The following ANTXR1 variants were observed in gnomAD, a reference collection of about 807,000 sequenced individuals.
The protein encoded by ANTXR1 is anthrax toxin receptor 1.
In ANTXR1, 19 loss-of-function variants were observed where a neutral mutation model predicts 78.1. The observed-to-expected ratio is 0.24, with a 90% CI of 0.17 to 0.36. The LOEUF is 0.36. ANTXR1 is among the 10% of genes least tolerant of loss of function. ANTXR1 has a pLI of 1.00. For missense variants in ANTXR1, 518 were observed against 718.6 expected (o/e 0.72, Z 3.19); for synonymous variants, 273 against 260.5 (o/e 1.05, Z -0.46).
intron 12 of ANTXR1, among the ~76,000 whole-genome samples, chr2:69,141,359 A>C (rs1022130543): frequency 6.6e-6 from 1 of 152,210 alleles, no homozygotes; most frequent in Non-Finnish European, 1.5e-5. Context: ...TCAATTTCAC[A>C]TACATAAAGA....
intron 13 of ANTXR1, among the ~76,000 whole-genome samples, chr2:69,159,887 AAAAAC>A: frequency 6.6e-6 from 1 of 152,242 alleles, no homozygotes; most frequent in African/African-American, 2.4e-5. Flanking sequence ...AAAATTAATC[AAAAAC>A]TTGATATACC....
intron 7 of ANTXR1, among the ~76,000 whole-genome samples, chr2:69,076,441 T>C (rs1353561317): frequency 2.6e-5 from 4 of 152,250 alleles, no homozygotes; most frequent in Non-Finnish European, 5.9e-5. Context: ...AAAAGCTTAC[T>C]AGCAATCTAA....
intron 17 of ANTXR1, among the ~76,000 whole-genome samples, chr2:69,217,219 C>T (rs1003758954): frequency 6.6e-6 from 1 of 152,196 alleles, no homozygotes; most frequent in African/African-American, 2.4e-5. Flanking sequence ...TGCATCTCAC[C>T]AGTCAGCAGT....
At chr2:69,124,784 T>C in intron 12 of ANTXR1, 141 bp downstream of exon 12, 1 of 833,318 alleles carries the variant, frequency 1.2e-6, no homozygotes, top group Admixed American at 2.0e-5. Context: ...ATCCCAGCAC[T>C]GCTCCACCAG....
At chr2:69,045,410 A>G (rs563979161) in intron 3 of ANTXR1, among the ~76,000 whole-genome samples, 1 of 152,222 alleles carries the variant, frequency 6.6e-6, no homozygotes, top group Non-Finnish European at 1.5e-5. Context: ...TAACAGAGTC[A>G]TGTCATTTAT....
intron 3 of ANTXR1, among the ~76,000 whole-genome samples, chr2:69,045,657 T>A (rs1669743893): frequency 6.6e-6 from 1 of 152,160 alleles, no homozygotes; most frequent in Non-Finnish European, 1.5e-5. Flanking sequence ...AATATAGGAC[T>A]AACAGGACAG....
chr2:69,160,613 T>C (rs1203974071), intron 13 of ANTXR1, among the ~76,000 whole-genome samples: 1 of 152,134 alleles, frequency 6.6e-6, no homozygotes, highest in East Asian at 1.9e-4. Flanking sequence ...TTCCAAACTA[T>C]GTCAGGGCAA....
intron 17 of ANTXR1, among the ~76,000 whole-genome samples, chr2:69,201,863 G>C (rs1238530263): frequency 1.3e-5 from 2 of 152,294 alleles, no homozygotes; most frequent in South Asian, 2.1e-4. Flanking sequence ...AAACAAAAAG[G>C]ACCTGCAGCA....
intron 1 of ANTXR1, among the ~76,000 whole-genome samples, chr2:69,016,717 T>C (rs912780861): frequency 6.6e-6 from 1 of 152,258 alleles, no homozygotes; most frequent in Non-Finnish European, 1.5e-5. Flanking sequence ...TATTTGTCTC[T>C]AGCAGGTAGA....
chr2:69,174,212 G>C (rs1207539076), intron 14 of ANTXR1, among the ~76,000 whole-genome samples: 2 of 152,222 alleles, frequency 1.3e-5, no homozygotes, highest in African/African-American at 4.8e-5. Context: ...AAATAGGGTA[G>C]AGGTAAAAGG....
chr2:69,146,881 CT>C (rs1324376398), intron 12 of ANTXR1, among the ~76,000 whole-genome samples: 1 of 152,264 alleles, frequency 6.6e-6, no homozygotes, highest in Non-Finnish European at 1.5e-5. Flanking sequence ...ACCCTTTCCC[CT>C]GGTGAAGAGG....
At chr2:69,082,337 A>G (rs1189762536) in intron 8 of ANTXR1, among the ~76,000 whole-genome samples, 2 of 152,210 alleles carry the variant, frequency 1.3e-5, no homozygotes, top group Non-Finnish European at 1.5e-5. Flanking sequence ...GCACCACGAC[A>G]GTTTTCCCAC....
rs1675774760 is a variant in ANTXR1, at chr2:69,236,790, A to G, written c.1435-8435A>G. Among the ~76,000 whole-genome samples, 3 of 152,238 alleles carry G rather than the reference A, an allele frequency of 2.0e-5. No individual in the cohort carries two copies. The South Asian group carries it at 6.2e-4, about 32-fold the overall frequency. On this transcript the variant is annotated intron_variant, in intron 17 of 17. Coordinates refer to ENST00000303714, the MANE Select transcript of ANTXR1 (RefSeq NM_032208.3). ...ACTGCATTTGGTGCTTCCATGTGAT[A>G]GAAGATTATGCAACCATTGAAAATG...
chr2:69,018,191 A>G (rs1671081250), intron 1 of ANTXR1, among the ~76,000 whole-genome samples: 1 of 152,062 alleles, frequency 6.6e-6, no homozygotes, highest in South Asian at 2.1e-4. Flanking sequence ...AAATCCTTAT[A>G]TGTCTAAAGG....
chr2:69,245,136 C>A, intron 17 of ANTXR1, 89 bp from the exon 18 acceptor site: 2 of 1,500,802 alleles, frequency 1.3e-6, no homozygotes, highest in Non-Finnish European at 1.9e-6. Flanking sequence ...CAGCTTTCCA[C>A]ATATTGCTTG....
chr2:69,102,385 G>A (rs561573171), intron 9 of ANTXR1, among the ~76,000 whole-genome samples: 79 of 152,334 alleles, frequency 5.2e-4, no homozygotes, highest in African/African-American at 1.4e-3. Flanking sequence ...TGTAGGCACC[G>A]TGGGCTCTTA....
rs376107346 is a variant in ANTXR1 at position 69,050,201 on chromosome 2, G to A, written c.296+5388G>A. 6.2e-4 allele frequency among the ~76,000 whole-genome samples: 94 copies of A among 152,188 alleles called. 2 individuals carry two copies. The highest frequency in any genetic ancestry group is 9.2e-4 in the Admixed American group (14 of 15,280). ...TGGTCCCAGCTACTCAGGAGAATGA[G>A]GTGACAGGATCGATTGAGGCATGGG... On this transcript the variant is annotated intron_variant, in intron 3 of 17. Transcript: ENST00000303714.
chr2:69,209,678 G>A (rs1011947780), intron 17 of ANTXR1, among the ~76,000 whole-genome samples: 2 of 152,238 alleles, frequency 1.3e-5, no homozygotes, highest in Non-Finnish European at 1.5e-5. Context: ...GAGCTGCTAC[G>A]TTAAGATCAG....
At chr2:69,115,535 G>A (rs1672114476) in intron 10 of ANTXR1, among the ~76,000 whole-genome samples, 1 of 152,224 alleles carries the variant, frequency 6.6e-6, no homozygotes, top group Admixed American at 6.5e-5. Context: ...TATGAATAGA[G>A]TGAAAAACCT....
Sources: allele counts gnomAD v4.1 joint callset (sites outside exome capture counted in the v4.1 genomes callset), GRCh38; gene constraint gnomAD v4.1.1; transcripts MANE v1.5; gene names NCBI Gene and HGNC (gene_info 2026-07-23, HGNC 2026-07-21).